CNTLN: variants seen among roughly 807,000 people sequenced by gnomAD.
CNTLN encodes centlein.
In CNTLN, 212 loss-of-function variants were observed where a neutral mutation model predicts 180.0. The ratio of observed to expected loss-of-function variants is 1.18; its 90% CI spans 1.05 to 1.32. CNTLN has a LOEUF of 1.32. CNTLN is among the 40% of genes most tolerant of loss of function. The pLI, the probability that CNTLN is intolerant of heterozygous loss-of-function variation, is 0.00. For synonymous variants in CNTLN, 722 were observed against 563.1 expected, an observed-to-expected ratio of 1.28 and a Z score of -3.99; for missense variants, 2,095 against 1,610.9, an observed-to-expected ratio of 1.30 and a Z score of -5.14.
intron 8 of CNTLN, among the ~76,000 whole-genome samples, chr9:17,318,323 C>T (rs1819673028): frequency 6.6e-6 from 1 of 152,014 alleles, no homozygotes; most frequent in African/African-American, 2.4e-5. Context: ...GCCACCGCGC[C>T]GGGCCCTAAC....
chr9:17,293,567 A>T (rs1417960611), intron 6 of CNTLN, among the ~76,000 whole-genome samples: 3 of 152,224 alleles, frequency 2.0e-5, no homozygotes, highest in African/African-American at 7.2e-5. Context: ...TGCCATAGCC[A>T]TAGCCACTGT....
intron 13 of CNTLN, among the ~76,000 whole-genome samples, chr9:17,378,108 T>C (rs1048346408): frequency 1.3e-5 from 2 of 152,202 alleles, no homozygotes; most frequent in Non-Finnish European, 2.9e-5. Context: ...TTCTTTAATC[T>C]TTTGTCTTCT....
At chr9:17,178,387 C>G (rs548293568) in intron 2 of CNTLN, among the ~76,000 whole-genome samples, 2 of 152,220 alleles carry the variant, frequency 1.3e-5, no homozygotes, top group Non-Finnish European at 2.9e-5. Context: ...GTGGAGCTGC[C>G]TGCTAGTCCC....
At chr9:17,416,226 T>C in intron 18 of CNTLN, 37 bp downstream of exon 18, 1 of 1,482,948 alleles carries the variant, frequency 6.7e-7, no homozygotes, top group Non-Finnish European at 9.2e-7. Flanking sequence ...TAGTATACTA[T>C]ATTGTAAAAG....
At chr9:17,330,371 G>A (rs144141295) in intron 8 of CNTLN, among the ~76,000 whole-genome samples, 1 of 152,000 alleles carries the variant, frequency 6.6e-6, no homozygotes, top group African/African-American at 2.4e-5. Flanking sequence ...ATGCAGCCAT[G>A]CTTTAAATTT....
At chr9:17,204,360 TG>T (rs1209084244) in intron 2 of CNTLN, among the ~76,000 whole-genome samples, 1 of 152,200 alleles carries the variant, frequency 6.6e-6, no homozygotes, top group Non-Finnish European at 1.5e-5. Context: ...TTAGTTTTTT[TG>T]TTTTTTTTAT....
intron 2 of CNTLN, among the ~76,000 whole-genome samples, chr9:17,156,908 T>C (rs1002583206): frequency 4.6e-5 from 7 of 152,376 alleles, no homozygotes; most frequent in Non-Finnish European, 7.3e-5. Context: ...GCAATGTAAT[T>C]GTGTAAAGTA....
At chr9:17,383,367 A>T (rs956024613) in intron 13 of CNTLN, among the ~76,000 whole-genome samples, 13 of 151,690 alleles carry the variant, frequency 8.6e-5, no homozygotes, top group Admixed American at 7.9e-4. Flanking sequence ...AAAAAAAAAA[A>T]GTTGGGTGTG....
intron 25 of CNTLN, among the ~76,000 whole-genome samples, chr9:17,499,062 T>C (rs2134409335): frequency 6.6e-6 from 1 of 152,340 alleles, no homozygotes; most frequent in Non-Finnish European, 1.5e-5. Context: ...GCTCTCTTGT[T>C]CTTAGTGTTT....
At position 17,425,744 on chromosome 9, in the gene CNTLN, T is replaced by TA. The variant is rs955586395; in HGVS notation, c.3114+9562dup. ...AATCCTTATGATAAAATATTTTTTTTAAAAAAACCTTGGATTGGCTGAATT... is the reference window on the plus strand; with the variant it reads ...AATCCTTATGATAAAATATTTTTTTTAAAAAAAACCTTGGATTGGCTGAATT... On this transcript the variant is annotated intron_variant, in intron 18 of 25. Transcript: ENST00000380647. 1.1e-3 allele frequency among the ~76,000 whole-genome samples: 168 copies of TA among 152,216 alleles called. 1 individual carries two copies. The highest frequency in any genetic ancestry group is 3.5e-3 in the African/African-American group (147 of 41,536).
intron 5 of CNTLN, among the ~76,000 whole-genome samples, chr9:17,253,158 T>A (rs2132290446): frequency 6.6e-6 from 1 of 152,014 alleles, no homozygotes; most frequent in East Asian, 1.9e-4. Flanking sequence ...CACCATGCTG[T>A]TTCAGTTAAT....
chr9:17,441,441 T>C (rs1015396280), intron 18 of CNTLN, among the ~76,000 whole-genome samples: 6 of 152,108 alleles, frequency 3.9e-5, no homozygotes, highest in African/African-American at 1.2e-4. Context: ...AGTAAACGTA[T>C]GAATATTTTG....
intron 25 of CNTLN, 104 bp downstream of exon 25, chr9:17,487,170 A>T: frequency 3.9e-6 from 3 of 762,722 alleles, no homozygotes; most frequent in East Asian, 2.6e-5. Context: ...CCCATTGTTT[A>T]CTTCTGTTAG....
rs1040894533 is a variant in CNTLN, at chr9:17,317,746, CAG to C, written c.1341+8500_1341+8501del. ...GATATCTGATGAAGAGCATTCTAAA[CAG>C]AGAGAACAAATGCAAAGCTCATGAA... On this transcript the variant is annotated intron_variant, in intron 8 of 25. Transcript: ENST00000380647. Among the ~76,000 whole-genome samples the C allele has an allele frequency of 5.9e-5, 9 of 152,196 alleles. No homozygotes were observed. The South Asian group carries it at 1.7e-3, about 28-fold the overall frequency.
At chr9:17,261,111 G>GATGCA (rs1488454438) in intron 5 of CNTLN, among the ~76,000 whole-genome samples, 1 of 151,516 alleles carries the variant, frequency 6.6e-6, no homozygotes, top group African/African-American at 2.4e-5. Flanking sequence ...TGGATAATGT[G>GATGCA]ATGCATCTGG....
intron 6 of CNTLN, among the ~76,000 whole-genome samples, chr9:17,278,369 A>G (rs561264762): frequency 1.1e-4 from 17 of 152,060 alleles, no homozygotes; most frequent in Non-Finnish European, 2.4e-4. Flanking sequence ...TTTCTTTGGT[A>G]TGTTAGTAGC....
At chr9:17,448,770 T>G (rs1588021427) in intron 18 of CNTLN, among the ~76,000 whole-genome samples, 1 of 152,294 alleles carries the variant, frequency 6.6e-6, no homozygotes, top group South Asian at 2.1e-4. Flanking sequence ...TCTTTTCTTC[T>G]TACTGCCACT....
chr9:17,450,239 G>A (rs1830705069), intron 18 of CNTLN, among the ~76,000 whole-genome samples: 1 of 152,110 alleles, frequency 6.6e-6, no homozygotes, highest in South Asian at 2.1e-4. Flanking sequence ...AGCACCTTAA[G>A]TGTCATGCTG....
intron 12 of CNTLN, among the ~76,000 whole-genome samples, chr9:17,357,152 A>G (rs1413900113): frequency 6.6e-6 from 1 of 152,014 alleles, no homozygotes; most frequent in East Asian, 1.9e-4. Flanking sequence ...CTATTTCTTC[A>G]AGATTTATCC....
Sources: gnomAD v4.1 joint callset for allele counts (sites outside exome capture counted in the v4.1 genomes callset) on GRCh38, gnomAD v4.1.1 for gene constraint, MANE v1.5 for transcripts, NCBI Gene and HGNC (gene_info 2026-07-23, HGNC 2026-07-21) for gene names.